Variants in CAST observed in about 807,000 individuals in gnomAD.
CAST encodes the protein MIR583 host.
In CAST, 76 loss-of-function variants were observed where a neutral mutation model predicts 119.6. The observed-to-expected ratio is 0.64, with a 90% confidence interval of 0.53 to 0.77. The LOEUF (loss-of-function observed/expected upper bound fraction) is 0.77, where lower values mean the gene tolerates loss of function less well. CAST is among the 30% of genes least tolerant of loss of function. CAST has a pLI of 0.00. For synonymous variants in CAST, 319 were observed against 331.6 expected (o/e 0.96, Z 0.41); for missense variants, 953 against 946.5 (o/e 1.01, Z -0.09).
chr5:96,533,888 T>C (rs907330618), intron 1 of CAST, among the ~76,000 whole-genome samples: 2 of 152,246 alleles, frequency 1.3e-5, no homozygotes, highest in Non-Finnish European at 2.9e-5. Context: ...TTGGCCATCC[T>C]ACACCATTTT....
At chr5:96,193,283 A>G in the CAST span, among the ~76,000 whole-genome samples, 1 of 152,118 alleles carries the variant, frequency 6.6e-6, no homozygotes, top group Non-Finnish European at 1.5e-5. Context: ...ACTAATGTAT[A>G]TTTACTATGA....
At chr5:96,312,124 C>T in the CAST span, among the ~76,000 whole-genome samples, 2 of 152,030 alleles carry the variant, frequency 1.3e-5, no homozygotes, top group Non-Finnish European at 2.9e-5. Context: ...GGCTTACACA[C>T]AACATCTTAT....
the CAST span, among the ~76,000 whole-genome samples, chr5:95,989,809 G>A: frequency 6.6e-6 from 1 of 152,028 alleles, no homozygotes; most frequent in African/African-American, 2.4e-5. Flanking sequence ...TTAGCTGAGA[G>A]GTCAACAGTA....
At chr5:96,081,446 G>C in the CAST span, among the ~76,000 whole-genome samples, 1 of 152,242 alleles carries the variant, frequency 6.6e-6, no homozygotes, top group African/African-American at 2.4e-5. Context: ...GAGCACGGAA[G>C]TGGGAAAGGG....
chr5:96,019,728 G>A, the CAST span, among the ~76,000 whole-genome samples: 2 of 152,010 alleles, frequency 1.3e-5, no homozygotes, highest in African/African-American at 4.8e-5. Flanking sequence ...ATTTCTGCTG[G>A]CTTATAACCA....
At chr5:96,434,699 G>T in the CAST span, among the ~76,000 whole-genome samples, 5 of 152,028 alleles carry the variant, frequency 3.3e-5, no homozygotes, top group Non-Finnish European at 7.4e-5. Flanking sequence ...AGGGGAGAAG[G>T]TTGGAAAGAA....
chr5:96,544,462 T>C (rs1199579972), intron 1 of CAST, among the ~76,000 whole-genome samples: 1 of 152,200 alleles, frequency 6.6e-6, no homozygotes, highest in Non-Finnish European at 1.5e-5. Context: ...TTGTTGATGA[T>C]GACTCTTTGG....
chr5:96,085,696 T>C, the CAST span, among the ~76,000 whole-genome samples: 1 of 152,244 alleles, frequency 6.6e-6, no homozygotes, highest in Non-Finnish European at 1.5e-5. Context: ...ACGTGAAATG[T>C]GCTAGGTCCC....
At chr5:96,411,921 T>A in the CAST span, among the ~76,000 whole-genome samples, 1 of 152,194 alleles carries the variant, frequency 6.6e-6, no homozygotes, top group Non-Finnish European at 1.5e-5. Context: ...GCAATTCTTG[T>A]GCCTCAGCCT....
chr5:96,737,792 C>A, intron 10 of CAST, 57 bp from the exon 11 acceptor site: 2 of 999,140 alleles, frequency 2.0e-6, no homozygotes, highest in Non-Finnish European at 3.0e-6. Flanking sequence ...TGTAGTTAAA[C>A]TAAAGGTGAA....
the CAST span, among the ~76,000 whole-genome samples, chr5:96,324,812 A>G: frequency 6.6e-6 from 1 of 151,818 alleles, no homozygotes; most frequent in African/African-American, 2.4e-5. Flanking sequence ...CTTTTTCCCC[A>G]GGTTCCACTT....
At chr5:96,311,879 T>G in the CAST span, among the ~76,000 whole-genome samples, 4 of 152,046 alleles carry the variant, frequency 2.6e-5, no homozygotes, top group African/African-American at 9.7e-5. Context: ...CTCTATGTCT[T>G]TTTATTGGAT....
At chr5:96,598,275 CT>C (rs200506205) in intron 1 of CAST, among the ~76,000 whole-genome samples, 1 of 152,108 alleles carries the variant, frequency 6.6e-6, no homozygotes, top group Admixed American at 6.5e-5. Flanking sequence ...ATGAAAATAA[CT>C]TTTTTTTGCC....
At chr5:96,328,669 A>G in the CAST span, among the ~76,000 whole-genome samples, 7 of 152,170 alleles carry the variant, frequency 4.6e-5, no homozygotes, top group African/African-American at 1.7e-4. Flanking sequence ...GTTAGGTTTT[A>G]TCTCCTCCAA....
rs956351023 is a variant in CAST at position 96,618,689 on chromosome 5, G to A, written c.61-56850G>A. Reference sequence around the variant, plus strand: ...GTGCGCTGGGTCCCCCAGCAGTGCCGGCTCACTGACGCCACCCTCAAATAG... The same window carrying A: ...GTGCGCTGGGTCCCCCAGCAGTGCCAGCTCACTGACGCCACCCTCAAATAG... On this transcript the variant is annotated intron_variant, in intron 1 of 11. Coordinates refer to the CAST transcript ENST00000505143. Among the ~76,000 whole-genome samples, 3 of 152,322 alleles carry A rather than the reference G, an allele frequency of 2.0e-5. No homozygotes were observed. In the South Asian group the frequency reaches 6.2e-4, roughly 32 times the overall value.
chr5:96,037,953 T>C, the CAST span, among the ~76,000 whole-genome samples: 1 of 152,164 alleles, frequency 6.6e-6, no homozygotes, highest in Non-Finnish European at 1.5e-5. Flanking sequence ...TTCACATGAC[T>C]ATCTTCAGAT....
chr5:96,571,874 T>C (rs1176928312), intron 1 of CAST, among the ~76,000 whole-genome samples: 1 of 152,234 alleles, frequency 6.6e-6, no homozygotes, highest in Non-Finnish European at 1.5e-5. Context: ...ACTTTACTGA[T>C]GCACCCTAAA....
chr5:96,037,854 AGAT>A, the CAST span, among the ~76,000 whole-genome samples: 2 of 152,276 alleles, frequency 1.3e-5, no homozygotes, highest in East Asian at 3.9e-4. Flanking sequence ...TGGATATCTA[AGAT>A]GGCTTCCTGA....
At chr5:96,458,230 A>C in the CAST span, among the ~76,000 whole-genome samples, 2 of 152,248 alleles carry the variant, frequency 1.3e-5, no homozygotes, top group African/African-American at 4.8e-5. Context: ...TTCAATGTTC[A>C]TAATGAAATT....
Sources: allele counts gnomAD v4.1 joint callset (sites outside exome capture counted in the v4.1 genomes callset), GRCh38; gene constraint gnomAD v4.1.1; transcripts MANE v1.5; gene names NCBI Gene and HGNC (gene_info 2026-07-23, HGNC 2026-07-21).